Variants in BFSP2 observed in about 807,000 individuals in gnomAD.
BFSP2 encodes beaded filament structural protein 2.
In BFSP2, 38 loss-of-function variants were observed where a neutral mutation model predicts 44.9. The ratio of observed to expected loss-of-function variants is 0.85; its 90% CI spans 0.65 to 1.11. BFSP2 has a LOEUF of 1.11. Among genes scored for constraint, BFSP2 ranks in the 50% least tolerant of loss-of-function variants. BFSP2 has a pLI of 0.00. For synonymous variants in BFSP2, 197 were observed against 209.9 expected, an observed-to-expected ratio of 0.94 and a Z score of 0.53; for missense variants, 525 against 533.0, an observed-to-expected ratio of 0.99 and a Z score of 0.15.
At chr3:133,430,883 CT>C (rs1322735438) in intron 1 of BFSP2, among the ~76,000 whole-genome samples, 3 of 152,148 alleles carry the variant, frequency 2.0e-5, no homozygotes, top group South Asian at 2.1e-4. Context: ...CTTTTATCAC[CT>C]CCCCTCCTCA....
chr3:133,415,199 CTCTACTCACCTT>C, intron 1 of BFSP2, among the ~76,000 whole-genome samples: 1 of 128,896 alleles, frequency 7.8e-6, no homozygotes, highest in Non-Finnish European at 1.7e-5. Context: ...GTCCTCTCCC[CTCTACTCACCTT>C]TGCCCTCTCC....
intron 2 of BFSP2, among the ~76,000 whole-genome samples, chr3:133,447,724 G>A (rs1191901012): frequency 1.3e-5 from 2 of 152,084 alleles, no homozygotes; most frequent in Non-Finnish European, 2.9e-5. Context: ...TCTGGAGAAG[G>A]GCCCCAAATT....
chr3:133,443,678 T>C (rs765276843), intron 1 of BFSP2, among the ~76,000 whole-genome samples: 2 of 152,222 alleles, frequency 1.3e-5, no homozygotes, highest in Non-Finnish European at 2.9e-5. Context: ...CAAGTTATGC[T>C]GAACATCCAT....
At chr3:133,436,626 T>A (rs2073785770) in intron 1 of BFSP2, among the ~76,000 whole-genome samples, 1 of 152,218 alleles carries the variant, frequency 6.6e-6, no homozygotes, top group South Asian at 2.1e-4. Context: ...ATTATTATAC[T>A]TTAAGTTCTA....
At chr3:133,463,891 C>T (rs1466596436) in intron 4 of BFSP2, among the ~76,000 whole-genome samples, 1 of 152,282 alleles carries the variant, frequency 6.6e-6, no homozygotes, top group East Asian at 1.9e-4. Context: ...CTATTAGCTA[C>T]CTCTGTTACA....
At chr3:133,424,223 T>TGTGTGTGTGTGTGTGTG (rs777798163) in intron 1 of BFSP2, among the ~76,000 whole-genome samples, 2 of 104,046 alleles carry the variant, frequency 1.9e-5, no homozygotes, top group East Asian at 2.0e-4. Flanking sequence ...TTTTTTTTTT[T>TGTGTGTGTGTGTGTGTG]TTTTTTTTTT....
chr3:133,471,911 G>C, intron 5 of BFSP2, among the ~76,000 whole-genome samples: 1 of 152,182 alleles, frequency 6.6e-6, no homozygotes, highest in Non-Finnish European at 1.5e-5. Flanking sequence ...CAGCAGCAGA[G>C]GGAGAAGGGG....
intron 1 of BFSP2, among the ~76,000 whole-genome samples, chr3:133,425,953 G>A (rs1322613083): frequency 6.4e-4 from 2 of 3,122 alleles, no homozygotes; most frequent in African/African-American, 3.6e-3. Flanking sequence ...AGGGAGGGGA[G>A]GGGGAGGGGG....
intron 1 of BFSP2, among the ~76,000 whole-genome samples, chr3:133,406,238 C>T (rs539017685): frequency 3.6e-4 from 55 of 152,206 alleles, no homozygotes; most frequent in African/African-American, 1.1e-3. Flanking sequence ...GGATCACAGG[C>T]GTGAGCCACC....
At chr3:133,409,521 G>A (rs886420269) in intron 1 of BFSP2, among the ~76,000 whole-genome samples, 2 of 152,086 alleles carry the variant, frequency 1.3e-5, no homozygotes, top group African/African-American at 4.8e-5. Flanking sequence ...CCTCAGATTT[G>A]GGTCTCTAAC....
At chr3:133,444,700 A>G (rs921924432) in intron 1 of BFSP2, among the ~76,000 whole-genome samples, 2 of 152,050 alleles carry the variant, frequency 1.3e-5, no homozygotes, top group Non-Finnish European at 2.9e-5. Flanking sequence ...CTACTGCACC[A>G]CAAAGAACCG....
chr3:133,460,741 C>T (rs1445358001), intron 4 of BFSP2, among the ~76,000 whole-genome samples: 1 of 152,186 alleles, frequency 6.6e-6, no homozygotes, highest in Non-Finnish European at 1.5e-5. Context: ...TCCCACGGGA[C>T]CATTGTTTAC....
chr3:133,467,840 G>A (rs1466981362), intron 5 of BFSP2, among the ~76,000 whole-genome samples: 1 of 152,146 alleles, frequency 6.6e-6, no homozygotes, highest in Non-Finnish European at 1.5e-5. Context: ...AGTCAATGAG[G>A]CGCATGATAG....
chr3:133,419,701 T>G (rs2073575560), intron 1 of BFSP2, among the ~76,000 whole-genome samples: 1 of 152,208 alleles, frequency 6.6e-6, no homozygotes, highest in Admixed American at 6.5e-5. Context: ...CTGGGCGGCT[T>G]CCGACCCATC....
intron 1 of BFSP2, among the ~76,000 whole-genome samples, chr3:133,446,573 TATATATATATATATA>T (rs1559973808): frequency 0.014 from 402 of 28,532 alleles, 114 homozygotes; most frequent in East Asian, 0.06. Context: ...TCACCATTTA[TATATATATATATATA>T]TATATATATA....
At chr3:133,407,240 T>C (rs2073412386) in intron 1 of BFSP2, among the ~76,000 whole-genome samples, 1 of 152,116 alleles carries the variant, frequency 6.6e-6, no homozygotes, top group Non-Finnish European at 1.5e-5. Context: ...CAATGCTATT[T>C]ATATATAAAC....
At chr3:133,427,135 G>C (rs2073661623) in intron 1 of BFSP2, among the ~76,000 whole-genome samples, 1 of 152,178 alleles carries the variant, frequency 6.6e-6, no homozygotes. Flanking sequence ...TCAAATGCTG[G>C]AGAAAACTCC....
chr3:133,437,653 G>A (rs563830631), intron 1 of BFSP2, among the ~76,000 whole-genome samples: 1 of 151,370 alleles, frequency 6.6e-6, no homozygotes, highest in African/African-American at 2.4e-5. Flanking sequence ...AGAGAGAAAG[G>A]AAGAAAGAAA....
At chr3:133,467,744 G>A (rs1480786833) in intron 5 of BFSP2, among the ~76,000 whole-genome samples, 1 of 152,198 alleles carries the variant, frequency 6.6e-6, no homozygotes, top group Non-Finnish European at 1.5e-5. Flanking sequence ...CCCTCCAGGA[G>A]GTCATTTGCA....
Sources: gnomAD v4.1 joint callset for allele counts (sites outside exome capture counted in the v4.1 genomes callset) on GRCh38, gnomAD v4.1.1 for gene constraint, MANE v1.5 for transcripts, NCBI Gene and HGNC (gene_info 2026-07-23, HGNC 2026-07-21) for gene names.